The following NRXN3 variants were observed in gnomAD, a reference collection of about 807,000 sequenced individuals.
NRXN3 encodes neurexin 3.
Under a neutral mutation model 137.6 loss-of-function variants are expected in NRXN3, and 32 were observed. The ratio of observed to expected loss-of-function variants is 0.23; its 90% CI spans 0.18 to 0.31. The LOEUF (loss-of-function observed/expected upper bound fraction) is 0.31. Ranked by LOEUF, NRXN3 falls within the 10% of genes least tolerant of loss-of-function variation. NRXN3 has a pLI of 1.00. For synonymous variants in NRXN3, 798 were observed against 784.5 expected, an observed-to-expected ratio of 1.02 and a Z score of -0.29; for missense variants, 1,574 against 2,062.5, an observed-to-expected ratio of 0.76 and a Z score of 4.59.
chr14:78,810,372 T>C (rs746289943), intron 10 of NRXN3, 28 bp downstream of exon 10: 4 of 1,287,508 alleles, frequency 3.1e-6, no homozygotes, highest in Admixed American at 5.4e-5. Context: ...TTTCATTTTG[T>C]TCTTTAAAAA....
In NRXN3 at chr14:79,055,283, A is replaced by C. The variant is rs528323668; in HGVS notation, c.3262+67142A>C. Among the ~76,000 whole-genome samples, 8 of 152,264 alleles carry C rather than the reference A, an allele frequency of 5.3e-5. No homozygotes were observed. The South Asian group carries it at 1.7e-3, about 32-fold the overall frequency. On this transcript the variant is annotated intron_variant, in intron 15 of 20. Coordinates refer to ENST00000335750, the MANE Select transcript of NRXN3 (RefSeq NM_001330195.2). ...CATTATAGCAGTTGTTATTCATTGA[A>C]CACCTACTGTTTGTCAGGATTGGGC...
At chr14:78,724,629 G>A (rs188923325) in intron 8 of NRXN3, among the ~76,000 whole-genome samples, 63 of 152,262 alleles carry the variant, frequency 4.1e-4, no homozygotes, top group Admixed American at 1.7e-3. Flanking sequence ...GTGCATCTGT[G>A]CATATTTGTG....
At chr14:78,373,525 G>A (rs2087248368) in intron 4 of NRXN3, among the ~76,000 whole-genome samples, 1 of 152,196 alleles carries the variant, frequency 6.6e-6, no homozygotes, top group Non-Finnish European at 1.5e-5. Flanking sequence ...TCTTTTCTAT[G>A]GTACCTGCAA....
chr14:78,938,914 G>A (rs1458580796), intron 10 of NRXN3, among the ~76,000 whole-genome samples: 2 of 147,920 alleles, frequency 1.4e-5, no homozygotes, highest in African/African-American at 2.5e-5. Context: ...GCGCAATCTC[G>A]GCTCACTGCA....
intron 1 of NRXN3, among the ~76,000 whole-genome samples, chr14:78,195,186 G>A (rs1334248231): frequency 6.6e-6 from 1 of 151,600 alleles, no homozygotes; most frequent in Non-Finnish European, 1.5e-5. Flanking sequence ...GGGAAAGAAA[G>A]AAAAATTAAC....
chr14:78,327,166 A>G (rs1468067783), intron 4 of NRXN3, among the ~76,000 whole-genome samples: 5 of 152,242 alleles, frequency 3.3e-5, no homozygotes, highest in Admixed American at 2.6e-4. Flanking sequence ...TTAATGGTAT[A>G]TCGAAATGAG....
intron 19 of NRXN3, among the ~76,000 whole-genome samples, chr14:79,742,802 C>T (rs1051839351): frequency 3.3e-5 from 5 of 152,194 alleles, no homozygotes; most frequent in East Asian, 1.9e-4. Context: ...ATTAAACTAA[C>T]GTATGCTTTA....
chr14:79,569,474 A>G (rs140346863), intron 16 of NRXN3, among the ~76,000 whole-genome samples: 1 of 152,106 alleles, frequency 6.6e-6, no homozygotes, highest in Non-Finnish European at 1.5e-5. Context: ...AACAATTACT[A>G]TGCAGGCTCT....
At chr14:79,621,306 C>T (rs903046740) in intron 16 of NRXN3, among the ~76,000 whole-genome samples, 2 of 152,208 alleles carry the variant, frequency 1.3e-5, no homozygotes, top group African/African-American at 4.8e-5. Context: ...TAAGATGCAA[C>T]CCTCAATTTC....
intron 16 of NRXN3, among the ~76,000 whole-genome samples, chr14:79,651,959 A>T (rs1161370262): frequency 6.6e-6 from 1 of 152,170 alleles, no homozygotes; most frequent in East Asian, 1.9e-4. Context: ...ATAGATTCAT[A>T]TTCCTGAGAG....
intron 15 of NRXN3, among the ~76,000 whole-genome samples, chr14:79,362,862 A>G (rs572329253): frequency 6.6e-6 from 1 of 152,366 alleles, no homozygotes; most frequent in East Asian, 1.9e-4. Flanking sequence ...TATTTTAGAA[A>G]GATGCAGAAT....
intron 4 of NRXN3, among the ~76,000 whole-genome samples, chr14:78,485,688 G>T (rs1030674506): frequency 6.6e-6 from 1 of 152,068 alleles, no homozygotes; most frequent in Non-Finnish European, 1.5e-5. Flanking sequence ...CTTTACTTTT[G>T]TTTCTTTGCT....
intron 16 of NRXN3, among the ~76,000 whole-genome samples, chr14:79,652,963 T>C (rs1212136280): frequency 6.6e-6 from 1 of 152,020 alleles, no homozygotes; most frequent in Non-Finnish European, 1.5e-5. Flanking sequence ...GAGAGAATGT[T>C]GTAGTGGGTG....
At chr14:79,568,924 A>G (rs1315201922) in intron 16 of NRXN3, among the ~76,000 whole-genome samples, 2 of 152,198 alleles carry the variant, frequency 1.3e-5, no homozygotes, top group African/African-American at 4.8e-5. Context: ...GGCAGGGTAA[A>G]GGTAATTGTG....
At chr14:78,216,800 T>C (rs756224544) in intron 1 of NRXN3, among the ~76,000 whole-genome samples, 3 of 152,140 alleles carry the variant, frequency 2.0e-5, no homozygotes, top group Non-Finnish European at 4.4e-5. Context: ...CTAGGGAAGA[T>C]TCCTTCCTCG....
Position 79,099,098 on chromosome 14 carries a change from G to A in NRXN3, c.3262+110957G>A, listed in dbSNP as rs185986402. On this transcript the variant is annotated intron_variant, in intron 15 of 20. Transcript: ENST00000335750. ...AGTGTAACCAGTTTCTGAGCTAAAGGAAAATTCACTTAACAGGTAGAGAAG... is the reference window on the plus strand; with the variant it reads ...AGTGTAACCAGTTTCTGAGCTAAAGAAAAATTCACTTAACAGGTAGAGAAG... Among the ~76,000 whole-genome samples, 401 of 152,288 alleles carry A rather than the reference G, an allele frequency of 2.6e-3. 3 individuals are homozygous for A. The highest frequency in any genetic ancestry group is 4.9e-3 in the Admixed American group (75 of 15,294).
Position 78,778,727 on chromosome 14 carries a change from T to TTTC in NRXN3, c.2045-24891_2045-24889dup, listed in dbSNP as rs2098754770. Among the ~76,000 whole-genome samples the TTTC allele has an allele frequency of 6.8e-5, 10 of 147,612 alleles. No homozygotes were observed. In the South Asian group the frequency reaches 2.2e-3, roughly 32 times the overall value. On this transcript the variant is annotated intron_variant, in intron 8 of 20. Transcript: ENST00000335750. Reference sequence around the variant, plus strand: ...CTTTCTTTCTTTCTTTCTTTCTTTCTTTCTCTCTCTCTTTCTTTCTTTCCT... The same window carrying TTTC: ...CTTTCTTTCTTTCTTTCTTTCTTTCTTTCTTCTCTCTCTCTTTCTTTCTTTCCT...
At chr14:79,410,015 C>T (rs558144060) in intron 15 of NRXN3, among the ~76,000 whole-genome samples, 262 of 151,718 alleles carry the variant, frequency 1.7e-3, no homozygotes, top group Non-Finnish European at 2.6e-3. Flanking sequence ...ACAAAATGGC[C>T]ATATTTATAC....
chr14:78,989,542 A>C (rs954288361), intron 15 of NRXN3, among the ~76,000 whole-genome samples: 1 of 152,190 alleles, frequency 6.6e-6, no homozygotes, highest in African/African-American at 2.4e-5. Flanking sequence ...AAGTTTTGGT[A>C]TAAGACTGCT....
Sources: allele counts gnomAD v4.1 joint callset (sites outside exome capture counted in the v4.1 genomes callset), GRCh38; gene constraint gnomAD v4.1.1; transcripts MANE v1.5; gene names NCBI Gene and HGNC (gene_info 2026-07-23, HGNC 2026-07-21).